MCU: variants seen among roughly 807,000 people sequenced by gnomAD.
MCU encodes calcium uniporter protein, mitochondrial.
In MCU, 12 loss-of-function variants were observed where a neutral mutation model predicts 45.2. The ratio of observed to expected loss-of-function variants is 0.27; its 90% CI spans 0.17 to 0.43. MCU has a LOEUF of 0.43. MCU is among the 20% of genes least tolerant of loss of function. MCU has a pLI of 1.00. For synonymous variants in MCU, 160 were observed against 165.1 expected (o/e 0.97, Z 0.24); for missense variants, 324 against 436.7 (o/e 0.74, Z 2.30).
intron 1 of MCU, chr10:72,692,749 T>G: frequency 7.6e-7 from 1 of 1,317,876 alleles, no homozygotes; most frequent in Admixed American, 3.4e-5. Context: ...GCCAGGAGAG[T>G]GGCAGTGCCA....
intron 1 of MCU, among the ~76,000 whole-genome samples, chr10:72,748,982 T>C (rs1404905442): frequency 6.6e-6 from 1 of 152,176 alleles, no homozygotes; most frequent in African/African-American, 2.4e-5. Flanking sequence ...TTGAGAATGT[T>C]GGATTATGAT....
intron 1 of MCU, among the ~76,000 whole-genome samples, chr10:72,706,141 A>C (rs1842816811): frequency 1.3e-5 from 2 of 151,356 alleles, no homozygotes; most frequent in Admixed American, 6.6e-5. Flanking sequence ...ATAATATATA[A>C]GTTGATAAAG....
At chr10:72,792,529 A>G (rs368178003) in intron 1 of MCU, among the ~76,000 whole-genome samples, 7 of 152,182 alleles carry the variant, frequency 4.6e-5, no homozygotes, top group Non-Finnish European at 8.8e-5. Context: ...TCTGAGGTCT[A>G]CCTGCCAGTG....
chr10:72,832,019 A>AAT (rs1351176942), intron 1 of MCU, among the ~76,000 whole-genome samples: 7 of 152,066 alleles, frequency 4.6e-5, no homozygotes, highest in Non-Finnish European at 7.4e-5. Context: ...TTTCTTAAGG[A>AAT]ATATATATAT....
intron 1 of MCU, among the ~76,000 whole-genome samples, chr10:72,735,066 A>T (rs1287739444): frequency 6.8e-6 from 1 of 146,954 alleles, no homozygotes; most frequent in Admixed American, 6.8e-5. Flanking sequence ...ACAGAGTGAG[A>T]TTGTCTCAAA....
intron 1 of MCU, among the ~76,000 whole-genome samples, chr10:72,798,833 AT>A (rs1182617797): frequency 2.6e-5 from 4 of 152,326 alleles, no homozygotes; most frequent in African/African-American, 9.6e-5. Context: ...CATACTGTAT[AT>A]TTTGAATATA....
At chr10:72,699,750 C>A (rs1276366461) in intron 1 of MCU, among the ~76,000 whole-genome samples, 1 of 151,900 alleles carries the variant, frequency 6.6e-6, no homozygotes, top group South Asian at 2.1e-4. Flanking sequence ...CGCCACCGCC[C>A]CCTGCCGATT....
intron 1 of MCU, among the ~76,000 whole-genome samples, chr10:72,718,719 A>T (rs1842984069): frequency 6.6e-6 from 1 of 152,232 alleles, no homozygotes; most frequent in East Asian, 1.9e-4. Context: ...TGATAGTCCA[A>T]ACTGGAATTT....
intron 1 of MCU, among the ~76,000 whole-genome samples, chr10:72,775,954 T>C (rs1300211215): frequency 6.6e-6 from 1 of 151,864 alleles, no homozygotes; most frequent in African/African-American, 2.4e-5. Context: ...CCCCTGAGAC[T>C]CGGAATTTGA....
intron 1 of MCU, among the ~76,000 whole-genome samples, chr10:72,832,260 A>G (rs932038156): frequency 6.6e-6 from 1 of 152,186 alleles, no homozygotes; most frequent in African/African-American, 2.4e-5. Flanking sequence ...TACTTTAGAA[A>G]GCATAGCATA....
chr10:72,855,753 A>G (rs906866463), intron 2 of MCU, among the ~76,000 whole-genome samples: 4 of 152,352 alleles, frequency 2.6e-5, no homozygotes, highest in South Asian at 2.1e-4. Flanking sequence ...ATTCAGCCAT[A>G]CTTAAATTAC....
chr10:72,786,430 C>T (rs1844071982), intron 1 of MCU, among the ~76,000 whole-genome samples: 1 of 152,078 alleles, frequency 6.6e-6, no homozygotes, highest in South Asian at 2.1e-4. Context: ...TACTAATTTA[C>T]AGATTTGTTG....
At chr10:72,882,294 T>A (rs1371249807) in intron 6 of MCU, among the ~76,000 whole-genome samples, 1 of 152,184 alleles carries the variant, frequency 6.6e-6, no homozygotes, top group Non-Finnish European at 1.5e-5. Flanking sequence ...TCTGGGCACC[T>A]TGAAAAAAGA....
At chr10:72,836,519 A>G (rs1844958485) in intron 2 of MCU, among the ~76,000 whole-genome samples, 3 of 152,154 alleles carry the variant, frequency 2.0e-5, no homozygotes, top group African/African-American at 7.2e-5. Context: ...ATGTATACCT[A>G]TATTCTATCC....
chr10:72,868,193 ATT>A (rs1845486656), intron 4 of MCU, among the ~76,000 whole-genome samples: 1 of 152,102 alleles, frequency 6.6e-6, no homozygotes, highest in Non-Finnish European at 1.5e-5. Flanking sequence ...TTTATTTCAA[ATT>A]TTTTGAGTTA....
intron 1 of MCU, among the ~76,000 whole-genome samples, chr10:72,819,834 A>G (rs1451502082): frequency 1.1e-4 from 17 of 150,716 alleles, no homozygotes; most frequent in Non-Finnish European, 2.9e-5. Flanking sequence ...ACATAATAAT[A>G]CAATTTTTAT....
At chr10:72,786,625 A>G (rs1204014206) in intron 1 of MCU, among the ~76,000 whole-genome samples, 1 of 152,144 alleles carries the variant, frequency 6.6e-6, no homozygotes, top group Non-Finnish European at 1.5e-5. Flanking sequence ...AGGCGCCTGT[A>G]ATCCCAGCTA....
chr10:72,814,362 A>G (rs1844592992), intron 1 of MCU, among the ~76,000 whole-genome samples: 2 of 151,766 alleles, frequency 1.3e-5, no homozygotes, highest in South Asian at 4.2e-4. Flanking sequence ...ATTCTTTCAC[A>G]CTGCTGACAT....
chr10:72,759,301 C>T (rs1313004085), intron 1 of MCU, among the ~76,000 whole-genome samples: 1 of 152,056 alleles, frequency 6.6e-6, no homozygotes, highest in Non-Finnish European at 1.5e-5. Flanking sequence ...CTGGGGGCTG[C>T]ATGCACTGGT....
Sources: allele counts gnomAD v4.1 joint callset (sites outside exome capture counted in the v4.1 genomes callset), GRCh38; gene constraint gnomAD v4.1.1; transcripts MANE v1.5; gene names NCBI Gene and HGNC (gene_info 2026-07-23, HGNC 2026-07-21).